THSD4: variants seen among roughly 807,000 people sequenced by gnomAD.
THSD4 encodes the protein thrombospondin type 1 domain containing 4.
Under a neutral mutation model 119.0 loss-of-function variants are expected in THSD4, and 69 were observed. That is an observed-to-expected ratio of 0.58 (90% CI 0.48 to 0.71). The LOEUF (loss-of-function observed/expected upper bound fraction) is 0.71. THSD4 is among the 30% of genes least tolerant of loss of function. The probability of loss-of-function intolerance (pLI) is 0.00; values close to 1 mark genes in which losing one functional copy is unlikely to be tolerated. For synonymous variants in THSD4, 524 were observed against 540.4 expected (o/e 0.97, Z 0.42); for missense variants, 1,393 against 1,391.1 (o/e 1.00, Z -0.02).
At chr15:71,414,616 C>T (rs148066226) in intron 7 of THSD4, among the ~76,000 whole-genome samples, 40 of 152,296 alleles carry the variant, frequency 2.6e-4, no homozygotes, top group African/African-American at 9.4e-4. Flanking sequence ...GAAATGTGGT[C>T]TCTTCACTGG....
intron 16 of THSD4, chr15:71,766,863 A>T (rs2053724230): frequency 6.6e-6 from 1 of 152,026 alleles, no homozygotes; most frequent in African/African-American, 2.4e-5. Context: ...CGTTTTGCTA[A>T]GTAAAAAAAA....
chr15:71,544,042 A>T (rs896012675), intron 7 of THSD4, among the ~76,000 whole-genome samples: 5 of 152,130 alleles, frequency 3.3e-5, no homozygotes, highest in African/African-American at 1.2e-4. Context: ...AAATAAAAAT[A>T]AAAAAAGAGT....
intron 6 of THSD4, among the ~76,000 whole-genome samples, chr15:71,328,364 C>T (rs1017516368): frequency 2.0e-5 from 3 of 152,216 alleles, no homozygotes; most frequent in African/African-American, 7.2e-5. Flanking sequence ...AAAGCACAAT[C>T]TCACTTTATT....
chr15:71,559,801 T>C (rs2140877411), intron 7 of THSD4, among the ~76,000 whole-genome samples: 1 of 152,312 alleles, frequency 6.6e-6, no homozygotes, highest in South Asian at 2.1e-4. Flanking sequence ...GCCGGTGTTA[T>C]AAAGCAGCTC....
intron 7 of THSD4, among the ~76,000 whole-genome samples, chr15:71,605,415 C>T (rs557898834): frequency 6.6e-6 from 1 of 152,362 alleles, no homozygotes; most frequent in African/African-American, 2.4e-5. Flanking sequence ...TCACCCAGAG[C>T]TCTGGCTCTA....
chr15:71,205,614 T>C (rs995657833), intron 3 of THSD4, among the ~76,000 whole-genome samples: 5 of 152,232 alleles, frequency 3.3e-5, no homozygotes, highest in African/African-American at 1.2e-4. Context: ...ATAATTTCTA[T>C]TGGGGCAATT....
At chr15:71,163,590 A>T (rs949543467) in intron 3 of THSD4, among the ~76,000 whole-genome samples, 1 of 152,114 alleles carries the variant, frequency 6.6e-6, no homozygotes, top group Non-Finnish European at 1.5e-5. Context: ...TGCAAAGTTT[A>T]AGTGTCTTCT....
At chr15:71,671,360 G>A (rs191484975) in intron 8 of THSD4, among the ~76,000 whole-genome samples, 5 of 152,060 alleles carry the variant, frequency 3.3e-5, no homozygotes, top group African/African-American at 1.2e-4. Context: ...ATTTGTTTAA[G>A]TTCTTTGTAG....
intron 7 of THSD4, among the ~76,000 whole-genome samples, chr15:71,484,520 G>A (rs1334427190): frequency 6.6e-6 from 1 of 152,192 alleles, no homozygotes; most frequent in Non-Finnish European, 1.5e-5. Context: ...CGAATCAGCT[G>A]TCAAAGGTAG....
At chr15:71,340,026 A>G (rs12915534) in intron 6 of THSD4, among the ~76,000 whole-genome samples, 21,157 of 152,108 alleles carry the variant, frequency 0.14, 1,540 homozygotes, top group Middle Eastern at 0.19. Context: ...TGCCCTCCCA[A>G]AGAGTTGGGA....
At chr15:71,425,469 C>A (rs1455352990) in intron 7 of THSD4, among the ~76,000 whole-genome samples, 1 of 152,218 alleles carries the variant, frequency 6.6e-6, no homozygotes, top group African/African-American at 2.4e-5. Context: ...ATGAACCTCT[C>A]TTTTGACTAA....
intron 5 of THSD4, among the ~76,000 whole-genome samples, chr15:71,250,775 G>A (rs2044251343): frequency 6.6e-6 from 1 of 152,092 alleles, no homozygotes; most frequent in African/African-American, 2.4e-5. Flanking sequence ...GATTTGAAGG[G>A]ATCTCGAATA....
chr15:71,728,382 G>A (rs1368756409), intron 8 of THSD4, among the ~76,000 whole-genome samples, 167 bp from the exon 9 acceptor site: 1 of 152,236 alleles, frequency 6.6e-6, no homozygotes, highest in Non-Finnish European at 1.5e-5. Flanking sequence ...CCAAGGGGAT[G>A]TAATCTAGAT....
chr15:71,760,397 C>T (rs1040191318), intron 15 of THSD4, among the ~76,000 whole-genome samples: 5 of 152,184 alleles, frequency 3.3e-5, no homozygotes, highest in Admixed American at 6.5e-5. Context: ...CTGACTCCAC[C>T]AAGAAAGGAA....
At chr15:71,143,049 T>C (rs1307477447) in intron 2 of THSD4, among the ~76,000 whole-genome samples, 2 of 152,134 alleles carry the variant, frequency 1.3e-5, no homozygotes, top group Non-Finnish European at 2.9e-5. Context: ...TAATTTTACA[T>C]GGGCAGACGT....
intron 8 of THSD4, among the ~76,000 whole-genome samples, chr15:71,720,175 T>G (rs1441214420): frequency 2.0e-5 from 3 of 151,574 alleles, no homozygotes; most frequent in Non-Finnish European, 4.4e-5. Flanking sequence ...CTCAGCCTCT[T>G]AAGTAGCTGG....
At chr15:71,587,787 T>TA (rs1207231444) in intron 7 of THSD4, among the ~76,000 whole-genome samples, 9,176 of 105,186 alleles carry the variant, frequency 0.087, 1,183 homozygotes, top group African/African-American at 0.3. Context: ...AAAAAAAAAT[T>TA]AAAAAAAAAA....
chr15:71,168,654 G>A (rs1044958463), intron 3 of THSD4, among the ~76,000 whole-genome samples: 4 of 152,146 alleles, frequency 2.6e-5, no homozygotes, highest in African/African-American at 4.8e-5. Flanking sequence ...AGCAGGTCAC[G>A]ATGCAAACAG....
chr15:71,330,739 T>A (rs938295830), intron 6 of THSD4, among the ~76,000 whole-genome samples: 1 of 152,206 alleles, frequency 6.6e-6, no homozygotes, highest in Admixed American at 6.5e-5. Context: ...TTCCTTCTGA[T>A]GTACAATACT....
Sources: gnomAD v4.1 joint callset for allele counts (sites outside exome capture counted in the v4.1 genomes callset) on GRCh38, gnomAD v4.1.1 for gene constraint, MANE v1.5 for transcripts, NCBI Gene and HGNC (gene_info 2026-07-23, HGNC 2026-07-21) for gene names.